The following AHI1 variants were observed in gnomAD, a reference collection of about 807,000 sequenced individuals.
AHI1 encodes Abelson helper integration site 1, also known as jouberin.
Under a neutral mutation model 149.3 loss-of-function variants are expected in AHI1, and 123 were observed. The ratio of observed to expected loss-of-function variants is 0.82; its 90% CI spans 0.71 to 0.96. The LOEUF is 0.96. Ranked by LOEUF, AHI1 falls within the 40% of genes least tolerant of loss-of-function variation. The pLI is 0.00. For missense variants in AHI1, 1,439 were observed against 1,422.7 expected, an observed-to-expected ratio of 1.01 and a Z score of -0.18; for synonymous variants, 475 against 459.8, an observed-to-expected ratio of 1.03 and a Z score of -0.42.
chr6:135,492,834 C>A, intron 3 of AHI1: 1 of 985,294 alleles, frequency 1.0e-6, no homozygotes, highest in Non-Finnish European at 1.2e-6. Flanking sequence ...TGTGTCAGAA[C>A]TACTCAAAAC....
At chr6:135,493,769 G>A (rs1387702654) in intron 3 of AHI1, among the ~76,000 whole-genome samples, 2 of 152,210 alleles carry the variant, frequency 1.3e-5, no homozygotes, top group East Asian at 1.9e-4. Flanking sequence ...CCTGCTGGGC[G>A]CCGTGGCTCA....
intron 26 of AHI1, among the ~76,000 whole-genome samples, chr6:135,309,322 A>G (rs1189732891): frequency 6.6e-6 from 1 of 152,248 alleles, no homozygotes; most frequent in Non-Finnish European, 1.5e-5. Flanking sequence ...TCTAGACTCC[A>G]GAATAACACA....
At chr6:135,423,553 T>C (rs965134365) in intron 20 of AHI1, among the ~76,000 whole-genome samples, 4 of 152,182 alleles carry the variant, frequency 2.6e-5, no homozygotes, top group Non-Finnish European at 5.9e-5. Flanking sequence ...ATTGTGTTAA[T>C]AAAATCATGT....
rs538075241 is a variant in AHI1, at chr6:135,346,395, T to C, written c.3165+11737A>G. Among the ~76,000 whole-genome samples, 17 of 151,770 alleles carry C rather than the reference T, an allele frequency of 1.1e-4. No homozygotes were observed. In the South Asian group the frequency reaches 3.3e-3, roughly 30 times the overall value. On this transcript the variant is annotated intron_variant, in intron 24 of 28. Coordinates refer to ENST00000265602, the MANE Select transcript of AHI1 (RefSeq NM_001134831.2). ...ATTTTTATTTTTAGTAGAGACGGGG[T>C]CTCAGTGTGTTAGCCAGGCTGGTCT...
chr6:135,489,917 T>C (rs1795013474), intron 5 of AHI1: 1 of 324,540 alleles, frequency 3.1e-6, no homozygotes, highest in Admixed American at 4.7e-5. Context: ...AAAAACTATG[T>C]ACCATTTACA....
intron 5 of AHI1, among the ~76,000 whole-genome samples, chr6:135,473,558 T>C (rs927144788): frequency 5.9e-5 from 9 of 152,114 alleles, no homozygotes; most frequent in Admixed American, 2.0e-4. Context: ...GAAAAAGAAG[T>C]CTCCTGGCAT....
At chr6:135,352,762 A>ATG (rs1792349266) in intron 24 of AHI1, among the ~76,000 whole-genome samples, 1 of 147,044 alleles carries the variant, frequency 6.8e-6, no homozygotes, top group Non-Finnish European at 1.5e-5. Context: ...ACATATATAT[A>ATG]TGTGTGTGTA....
At chr6:135,387,050 C>G (rs1582966293) in intron 23 of AHI1, among the ~76,000 whole-genome samples, 1 of 152,062 alleles carries the variant, frequency 6.6e-6, no homozygotes, top group Non-Finnish European at 1.5e-5. Flanking sequence ...ACCTGGCTAA[C>G]TATTTTGTAT....
intron 9 of AHI1, among the ~76,000 whole-genome samples, chr6:135,457,120 C>A (rs543681824): frequency 1.3e-5 from 2 of 152,196 alleles, no homozygotes; most frequent in East Asian, 3.9e-4. Flanking sequence ...CCCGCCTCCA[C>A]TAAAAATACA....
At chr6:135,289,671 AAAAAT>A (rs1322612809) in intron 28 of AHI1, among the ~76,000 whole-genome samples, 2 of 151,502 alleles carry the variant, frequency 1.3e-5, no homozygotes, top group Non-Finnish European at 2.9e-5. Flanking sequence ...TATCAAGGTT[AAAAAT>A]AATTCCTTAG....
intron 23 of AHI1, among the ~76,000 whole-genome samples, chr6:135,368,457 T>C (rs780210553): frequency 6.6e-6 from 1 of 152,060 alleles, no homozygotes; most frequent in Non-Finnish European, 1.5e-5. Flanking sequence ...CCCAAGAGAT[T>C]ATATCCTTTG....
chr6:135,416,750 TA>T (rs2127987488), intron 20 of AHI1, among the ~76,000 whole-genome samples: 1 of 152,192 alleles, frequency 6.6e-6, no homozygotes, highest in African/African-American at 2.4e-5. Context: ...TATATTCATG[TA>T]CTATTTCATT....
In AHI1 at chr6:135,411,491, G is replaced by A. The variant is rs771997998; in HGVS notation, c.2818C>T (p.Pro940Ser). 6.2e-7 allele frequency: 1 copy of A among 1,611,288 alleles called. No individual in the cohort carries two copies. The highest frequency in any genetic ancestry group is 1.1e-5 in the South Asian group (1 of 90,438). ...GCATCTTGACTTTGGTGTATTCCAG[G>A]TAATGGAAATGTTCCATTGTAGCGT... is the stretch of plus-strand genomic sequence containing the variant. ...FKRYNGTFPL[P>S]GIHQSQDALC... is the part of the protein sequence containing the mutation. Residue 940 changes from proline to serine, a missense_variant, in exon 21 of 29, where the codon CCT becomes TCT. By Grantham distance (74) the Pro-to-Ser change is moderately conservative. Coordinates refer to ENST00000265602, the MANE Select transcript of AHI1 (RefSeq NM_001134831.2).
chr6:135,406,009 A>G (rs946396019), intron 21 of AHI1, among the ~76,000 whole-genome samples: 2 of 151,964 alleles, frequency 1.3e-5, no homozygotes, highest in Admixed American at 1.3e-4. Flanking sequence ...GGAGTTTAGG[A>G]AAAAAAAGAA....
chr6:135,466,370 C>G lies in AHI1; in HGVS notation c.193G>C (p.Asp65His). Residue 65 changes from aspartate (D) to histidine (H), a missense_variant, in exon 7 of 29, where the codon GAC (aspartate) becomes CAC (histidine). Physicochemically the swap from Asp to His is moderately conservative, Grantham distance 81. Transcript: ENST00000265602. ...TGGGGAAGATTGCTTCTAATAGTGTCGGGCTAGGAAAAGAAGACATGATAA... is the reference window on the plus strand; with the variant it reads ...TGGGGAAGATTGCTTCTAATAGTGTGGGGCTAGGAAAAGAAGACATGATAA... The part of the protein sequence containing the change: ...YMKETTSDDP[D>H]TIRSNLPHIK... 1 of 1,611,640 alleles carries G rather than the reference C, an allele frequency of 6.2e-7. No homozygotes were observed. Among genetic ancestry groups the G allele is most frequent in the South Asian group, 1.1e-5 (1 of 90,438 alleles).
At position 135,470,202 on chromosome 6, in the gene AHI1, C is replaced by A. The variant is rs190430713; in HGVS notation, c.136-2568G>T. Among the ~76,000 whole-genome samples the A allele has an allele frequency of 4.4e-3, 662 of 152,174 alleles. 2 individuals carry two copies. The highest frequency in any genetic ancestry group is 0.024 in the Middle Eastern group (7 of 294). On this transcript the variant is annotated intron_variant, in intron 5 of 28. Coordinates refer to ENST00000265602, the MANE Select transcript of AHI1 (RefSeq NM_001134831.2). Reference sequence around the variant, plus strand: ...TAAAAGAAGACATTTATGGGGCCAACAAACATGATAAAAAGGTCAACATCA... The same window carrying A: ...TAAAAGAAGACATTTATGGGGCCAAAAAACATGATAAAAAGGTCAACATCA...
chr6:135,398,582 A>T (rs1779584474), intron 22 of AHI1, among the ~76,000 whole-genome samples: 2 of 152,172 alleles, frequency 1.3e-5, no homozygotes, highest in Non-Finnish European at 1.5e-5. Flanking sequence ...TTTCATGTCA[A>T]TTTCAAAATT....
At chr6:135,463,341 TA>T in intron 7 of AHI1, 35 bp from the exon 8 acceptor site, 1 of 1,473,372 alleles carries the variant, frequency 6.8e-7, no homozygotes. Context: ...CCATTACAGA[TA>T]TATTATCATT....
intron 21 of AHI1, among the ~76,000 whole-genome samples, chr6:135,408,420 T>C (rs1217983137): frequency 6.6e-6 from 1 of 152,070 alleles, no homozygotes; most frequent in Non-Finnish European, 1.5e-5. Flanking sequence ...ATTAAAAATG[T>C]TAAAATACAA....
Sources: gnomAD v4.1 joint callset for allele counts (sites outside exome capture counted in the v4.1 genomes callset) on GRCh38, gnomAD v4.1.1 for gene constraint, MANE v1.5 for transcripts, NCBI Gene and HGNC (gene_info 2026-07-23, HGNC 2026-07-21) for gene names.